Variants in CLSTN2 observed in about 807,000 individuals in gnomAD.
CLSTN2 encodes calsyntenin 2, also known as calsyntenin-2.
In CLSTN2, 48 loss-of-function variants were observed where a neutral mutation model predicts 101.2. That is an observed-to-expected ratio of 0.47 (90% CI 0.38 to 0.60). The LOEUF (loss-of-function observed/expected upper bound fraction) is 0.60. Among genes scored for constraint, CLSTN2 ranks in the 20% least tolerant of loss-of-function variants. CLSTN2 has a pLI of 0.00. For synonymous variants in CLSTN2, 481 were observed against 463.6 expected (o/e 1.04, Z -0.48); for missense variants, 1,160 against 1,238.2 (o/e 0.94, Z 0.95).
chr3:140,213,277 G>C (rs2010880282), intron 2 of CLSTN2, among the ~76,000 whole-genome samples: 1 of 152,062 alleles, frequency 6.6e-6, no homozygotes, highest in Non-Finnish European at 1.5e-5. Context: ...GTGTTTGCAT[G>C]TTTGTATTCA....
chr3:140,123,576 G>C (rs944659136), intron 1 of CLSTN2, among the ~76,000 whole-genome samples: 4 of 152,104 alleles, frequency 2.6e-5, no homozygotes, highest in African/African-American at 7.2e-5. Flanking sequence ...TTCTAATGGG[G>C]TGTCTTAGTC....
chr3:140,308,250 C>T (rs529969872), intron 2 of CLSTN2, among the ~76,000 whole-genome samples: 1 of 152,316 alleles, frequency 6.6e-6, no homozygotes, highest in East Asian at 1.9e-4. Flanking sequence ...GGCTTCAGGG[C>T]CAGAGGGCCT....
chr3:140,464,603 G>A (rs973267704), intron 7 of CLSTN2, among the ~76,000 whole-genome samples: 14 of 152,220 alleles, frequency 9.2e-5, no homozygotes, highest in African/African-American at 3.1e-4. Context: ...GCTAGAAGCT[G>A]CTGTAGTAGA....
Position 140,026,789 on chromosome 3 carries a change from C to A in CLSTN2, c.109+91306C>A, listed in dbSNP as rs187828305. On this transcript the variant is annotated intron_variant, in intron 1 of 16. Coordinates refer to ENST00000458420, the MANE Select transcript of CLSTN2 (RefSeq NM_022131.3). ...GCCCATAGAAGGGAGGTGAGACCCCCTACTTCCTATCTCAGGGAACCCCCT... is the reference window on the plus strand; with the variant it reads ...GCCCATAGAAGGGAGGTGAGACCCCATACTTCCTATCTCAGGGAACCCCCT... Among the ~76,000 whole-genome samples, 17 of 152,312 alleles carry A rather than the reference C, an allele frequency of 1.1e-4. No homozygotes were observed. The East Asian group carries it at 3.1e-3, about 28-fold the overall frequency.
chr3:140,184,290 C>T (rs926078313), intron 2 of CLSTN2, among the ~76,000 whole-genome samples: 14 of 152,170 alleles, frequency 9.2e-5, no homozygotes, highest in Admixed American at 9.2e-4. Context: ...AAGAACTTCC[C>T]TGAGACTGGG....
chr3:140,420,106 C>T (rs1450463353), intron 4 of CLSTN2, among the ~76,000 whole-genome samples: 2 of 151,502 alleles, frequency 1.3e-5, no homozygotes, highest in Non-Finnish European at 2.9e-5. Context: ...GTTGGCCAGG[C>T]TGGTCTCAAA....
At chr3:140,032,613 GGGC>G (rs2007576800) in intron 1 of CLSTN2, among the ~76,000 whole-genome samples, 1 of 152,104 alleles carries the variant, frequency 6.6e-6, no homozygotes, top group Admixed American at 6.5e-5. Context: ...CTGGGATAAT[GGGC>G]GTGTACCACC....
At chr3:140,158,639 T>C (rs1200946049) in intron 1 of CLSTN2, among the ~76,000 whole-genome samples, 1 of 151,956 alleles carries the variant, frequency 6.6e-6, no homozygotes, top group Non-Finnish European at 1.5e-5. Context: ...TACAACACTA[T>C]ATCAAACTAC....
At chr3:140,256,628 GA>G (rs1389111774) in intron 2 of CLSTN2, among the ~76,000 whole-genome samples, 2 of 152,190 alleles carry the variant, frequency 1.3e-5, no homozygotes, top group African/African-American at 4.8e-5. Flanking sequence ...TTACATCACA[GA>G]AGAACATATT....
intron 9 of CLSTN2, among the ~76,000 whole-genome samples, chr3:140,541,956 A>G (rs975652512): frequency 3.3e-5 from 5 of 152,146 alleles, no homozygotes; most frequent in African/African-American, 1.2e-4. Context: ...CCCTGCGACA[A>G]TGAGCTAGAA....
chr3:140,231,516 C>A (rs1246362607), intron 2 of CLSTN2, among the ~76,000 whole-genome samples: 1 of 151,952 alleles, frequency 6.6e-6, no homozygotes, highest in Non-Finnish European at 1.5e-5. Flanking sequence ...GTGACTGTTC[C>A]CTTAAATTGG....
At chr3:139,945,857 G>A (rs879413556) in intron 1 of CLSTN2, among the ~76,000 whole-genome samples, 1 of 152,036 alleles carries the variant, frequency 6.6e-6, no homozygotes, top group Non-Finnish European at 1.5e-5. Flanking sequence ...TATAGTAATA[G>A]GAAAAGCTGA....
chr3:140,039,385 C>A (rs2007718782), intron 1 of CLSTN2, among the ~76,000 whole-genome samples: 1 of 152,096 alleles, frequency 6.6e-6, no homozygotes, highest in South Asian at 2.1e-4. Context: ...AAATTTCTTT[C>A]CCCCCTTACT....
chr3:140,264,615 T>C (rs886118678), intron 2 of CLSTN2, among the ~76,000 whole-genome samples: 15 of 151,894 alleles, frequency 9.9e-5, no homozygotes, highest in Non-Finnish European at 2.2e-4. Flanking sequence ...CCATAACTGC[T>C]GCAAATAGCA....
chr3:140,074,012 A>G (rs2008441946), intron 1 of CLSTN2, among the ~76,000 whole-genome samples: 1 of 152,096 alleles, frequency 6.6e-6, no homozygotes, highest in Non-Finnish European at 1.5e-5. Context: ...AGGCCCAGAC[A>G]CAGGTGCTGC....
Position 140,068,040 on chromosome 3 carries a change from C to T in CLSTN2, c.110-107911C>T, listed in dbSNP as rs113927888. ...TCTGTTCTTTTAGGACTCCCAAGCC[C>T]GGGGGCAGTGGCAGAGAGTTAAATC... is the stretch of plus-strand genomic sequence containing the variant. On this transcript the variant is annotated intron_variant, in intron 1 of 16. Transcript: ENST00000458420. Among the ~76,000 whole-genome samples the T allele has an allele frequency of 7.6e-4, 116 of 152,246 alleles. 1 individual carries two copies. The highest frequency in any genetic ancestry group is 2.5e-3 in the African/African-American group (105 of 41,544).
chr3:139,938,685 C>T (rs1431648174), intron 1 of CLSTN2, among the ~76,000 whole-genome samples: 1 of 152,194 alleles, frequency 6.6e-6, no homozygotes. Context: ...GGAAGGAAGA[C>T]AATGCAATCT....
At chr3:140,282,935 C>T (rs185693608) in intron 2 of CLSTN2, among the ~76,000 whole-genome samples, 45 of 152,282 alleles carry the variant, frequency 3.0e-4, no homozygotes, top group African/African-American at 9.4e-4. Flanking sequence ...CAACCTTCAA[C>T]TGCTGTTTCC....
chr3:140,155,997 C>T (rs1167216245), intron 1 of CLSTN2, among the ~76,000 whole-genome samples: 1 of 152,012 alleles, frequency 6.6e-6, no homozygotes, highest in Non-Finnish European at 1.5e-5. Context: ...TCCAGCCCTC[C>T]TAGGGGCAAT....
Sources: allele counts gnomAD v4.1 joint callset (sites outside exome capture counted in the v4.1 genomes callset), GRCh38; gene constraint gnomAD v4.1.1; transcripts MANE v1.5; gene names NCBI Gene and HGNC (gene_info 2026-07-23, HGNC 2026-07-21).